PSME4: variants seen among roughly 807,000 people sequenced by gnomAD.
PSME4 encodes the protein proteasome activator subunit 4.
A neutral mutation model predicts 253.9 loss-of-function variants in PSME4; 89 were observed. The observed-to-expected ratio is 0.35, with a 90% CI of 0.30 to 0.42. The LOEUF is 0.42. Ranked by LOEUF, PSME4 falls within the 10% of genes least tolerant of loss-of-function variation. The pLI is 1.00. For synonymous variants in PSME4, 851 were observed against 759.2 expected (o/e 1.12, Z -1.99); for missense variants, 2,014 against 2,195.2 (o/e 0.92, Z 1.65).
rs367885531 is a variant in PSME4 at position 53,874,351 on chromosome 2, G to A, written c.5088C>T (p.Asp1696=). 56 of 1,609,016 alleles carry A rather than the reference G, an allele frequency of 3.5e-5. No homozygotes were observed. Among genetic ancestry groups the A allele is most frequent in the African/African-American group, 1.1e-4 (8 of 74,542 alleles). ...ACTTAAATTTTACCTCCAGTTGTTCGTCCTCCAAAAGACTTATAACCAGCC... is the reference window on the plus strand; with the variant it reads ...ACTTAAATTTTACCTCCAGTTGTTCATCCTCCAAAAGACTTATAACCAGCC... ...IRWLVISLLE[D]EQLEVREMAA... The change falls in exon 43 of 47, where the codon GAC becomes GAT. Residue 1696 remains aspartate, a synonymous_variant. Transcript: ENST00000404125.
intron 1 of PSME4, among the ~76,000 whole-genome samples, chr2:53,969,008 T>G (rs1386423526): frequency 6.6e-6 from 1 of 152,224 alleles, no homozygotes; most frequent in Non-Finnish European, 1.5e-5. Context: ...AAATGGTAGG[T>G]ATTCTCTGGC....
intron 41 of PSME4, among the ~76,000 whole-genome samples, chr2:53,882,151 T>C (rs1296695501): frequency 6.6e-6 from 1 of 152,182 alleles, no homozygotes; most frequent in African/African-American, 2.4e-5. Flanking sequence ...CTTACAACAA[T>C]GTGTTAGCTG....
intron 1 of PSME4, among the ~76,000 whole-genome samples, chr2:53,953,297 A>G (rs1333234930): frequency 1.3e-5 from 2 of 152,092 alleles, no homozygotes; most frequent in African/African-American, 4.8e-5. Flanking sequence ...GCCCAGAAAT[A>G]CATATATTTG....
intron 29 of PSME4, among the ~76,000 whole-genome samples, chr2:53,898,614 A>T (rs1680247821): frequency 6.8e-6 from 1 of 146,894 alleles, no homozygotes; most frequent in African/African-American, 2.5e-5. Flanking sequence ...TGTAAGTAGT[A>T]ATCAATTAAT....
At chr2:53,872,717 G>C (rs1397793677) in intron 43 of PSME4, among the ~76,000 whole-genome samples, 1 of 107,776 alleles carries the variant, frequency 9.3e-6, no homozygotes, top group Non-Finnish European at 1.7e-5. Flanking sequence ...ACTACAGCCT[G>C]GACAACAAAG....
At chr2:53,936,518 T>C (rs975096546) in intron 6 of PSME4, among the ~76,000 whole-genome samples, 7 of 152,316 alleles carry the variant, frequency 4.6e-5, no homozygotes, top group South Asian at 2.1e-4. Context: ...TCATGCATTT[T>C]ACAATACATG....
chr2:53,899,760 G>A, intron 29 of PSME4, 121 bp downstream of exon 29: 2 of 1,223,080 alleles, frequency 1.6e-6, no homozygotes, highest in East Asian at 2.4e-5. Flanking sequence ...GAAGGTTGCA[G>A]TGAGCCATGA....
intron 26 of PSME4, among the ~76,000 whole-genome samples, 192 bp from the exon 27 acceptor site, chr2:53,904,348 C>T (rs142022908): frequency 2.0e-4 from 31 of 152,216 alleles, no homozygotes; most frequent in African/African-American, 7.5e-4. Context: ...ACAATACCAC[C>T]GACCATATCC....
intron 41 of PSME4, among the ~76,000 whole-genome samples, chr2:53,884,619 G>C (rs546911674): frequency 6.6e-6 from 1 of 152,294 alleles, no homozygotes; most frequent in Non-Finnish European, 1.5e-5. Flanking sequence ...CTGAATGAAA[G>C]AAATGGGATG....
intron 3 of PSME4, among the ~76,000 whole-genome samples, chr2:53,940,511 A>G (rs1025849991): frequency 1.3e-5 from 2 of 152,164 alleles, no homozygotes; most frequent in African/African-American, 4.8e-5. Context: ...CTTTGAGCAG[A>G]TACTTATAAA....
intron 38 of PSME4, chr2:53,888,459 T>C (rs1489859321): frequency 2.8e-6 from 1 of 356,658 alleles, no homozygotes; most frequent in Non-Finnish European, 5.0e-6. Context: ...AAGACAATTC[T>C]GATAAAATAT....
At chr2:53,888,916 A>T in intron 37 of PSME4, 104 bp from the exon 38 acceptor site, 6 of 914,650 alleles carry the variant, frequency 6.6e-6, no homozygotes, top group Non-Finnish European at 1.0e-5. Flanking sequence ...GCTAGGTCTA[A>T]CTCTGTTGCC....
At position 53,936,082 on chromosome 2, in the gene PSME4, A is replaced by T; in HGVS notation, c.834+5T>A. ...GATAATTTTTTTCCCCAAAATGTTAATTACCTTTGGTACATATGGATCCCA... is the reference window on the plus strand; with the variant it reads ...GATAATTTTTTTCCCCAAAATGTTATTTACCTTTGGTACATATGGATCCCA... On this transcript the variant is annotated splice_donor_5th_base_variant and intron_variant, in intron 7 of 46. Coordinates refer to ENST00000404125, the MANE Select transcript of PSME4 (RefSeq NM_014614.3). 1.2e-6 allele frequency: 2 copies of T among 1,610,330 alleles called. No homozygotes were observed. The highest frequency in any genetic ancestry group is 1.1e-5 in the South Asian group (1 of 90,624).
At chr2:53,926,893 G>C (rs1024564761) in intron 12 of PSME4, among the ~76,000 whole-genome samples, 1 of 150,214 alleles carries the variant, frequency 6.7e-6, no homozygotes, top group African/African-American at 2.5e-5. Flanking sequence ...AGAATTGCTT[G>C]AACCAGGAGG....
At chr2:53,956,174 G>C (rs772305659) in intron 1 of PSME4, among the ~76,000 whole-genome samples, 12 of 152,068 alleles carry the variant, frequency 7.9e-5, no homozygotes, top group Non-Finnish European at 1.6e-4. Context: ...CTACCTCTGG[G>C]TGGTAAAACT....
chr2:53,967,379 C>T (rs1338096213), intron 1 of PSME4, among the ~76,000 whole-genome samples: 1 of 151,862 alleles, frequency 6.6e-6, no homozygotes, highest in African/African-American at 2.4e-5. Flanking sequence ...AAGGCTGGGG[C>T]GGTGGCTCAG....
chr2:53,914,193 G>A (rs1667955382), intron 20 of PSME4, among the ~76,000 whole-genome samples: 1 of 152,174 alleles, frequency 6.6e-6, no homozygotes, highest in Non-Finnish European at 1.5e-5. Flanking sequence ...TTTTTTAGAT[G>A]TTAGTTTTTT....
chr2:53,894,948 A>G, intron 34 of PSME4, 59 bp downstream of exon 34: 2 of 1,421,542 alleles, frequency 1.4e-6, no homozygotes, highest in Non-Finnish European at 1.9e-6. Flanking sequence ...AGTGAGGTTG[A>G]GATAAATCAG....
chr2:53,956,374 CA>C (rs1199418040), intron 1 of PSME4, among the ~76,000 whole-genome samples: 1 of 151,318 alleles, frequency 6.6e-6, no homozygotes, highest in Non-Finnish European at 1.5e-5. Flanking sequence ...ACTAAAAATA[CA>C]AAAAATTAGC....
Sources: allele counts gnomAD v4.1 joint callset (sites outside exome capture counted in the v4.1 genomes callset), GRCh38; gene constraint gnomAD v4.1.1; transcripts MANE v1.5; gene names NCBI Gene and HGNC (gene_info 2026-07-23, HGNC 2026-07-21).